Variants in PDE1A observed in about 807,000 individuals in gnomAD.
PDE1A encodes phosphodiesterase 1A.
Under a neutral mutation model 61.7 loss-of-function variants are expected in PDE1A, and 35 were observed. That is an observed-to-expected ratio of 0.57 (90% CI 0.43 to 0.75). The LOEUF (loss-of-function observed/expected upper bound fraction) is 0.75, where lower values mean the gene tolerates loss of function less well. Ranked by LOEUF, PDE1A falls within the 30% of genes least tolerant of loss-of-function variation. The pLI, the probability that PDE1A is intolerant of heterozygous loss-of-function variation, is 0.00. For missense variants in PDE1A, 597 were observed against 630.6 expected (o/e 0.95, Z 0.57); for synonymous variants, 232 against 213.2 (o/e 1.09, Z -0.77).
At chr2:182,438,573 T>A (rs1285713597) in intron 2 of PDE1A, among the ~76,000 whole-genome samples, 1 of 151,884 alleles carries the variant, frequency 6.6e-6, no homozygotes, top group Non-Finnish European at 1.5e-5. Context: ...TGCTTGGAAG[T>A]TCATCAGGGG....
At chr2:182,436,335 T>C (rs1033508784) in intron 2 of PDE1A, among the ~76,000 whole-genome samples, 1 of 152,058 alleles carries the variant, frequency 6.6e-6, no homozygotes, top group Non-Finnish European at 1.5e-5. Context: ...AATTGTTCTA[T>C]GACATGCCAT....
chr2:182,363,543 T>C (rs1699637704), intron 1 of PDE1A, among the ~76,000 whole-genome samples: 2 of 151,966 alleles, frequency 1.3e-5, no homozygotes, highest in South Asian at 4.1e-4. Context: ...GAATGAGCCA[T>C]GTGGATGTCT....
At chr2:182,549,383 A>G in the PDE1A span, among the ~76,000 whole-genome samples, 3 of 152,286 alleles carry the variant, frequency 2.0e-5, no homozygotes, top group East Asian at 3.9e-4. Flanking sequence ...CTAAAAGAAC[A>G]TAGGAAATTA....
the PDE1A span, among the ~76,000 whole-genome samples, chr2:182,598,791 A>G: frequency 6.6e-6 from 1 of 152,178 alleles, no homozygotes; most frequent in Non-Finnish European, 1.5e-5. Flanking sequence ...GAGCATGTGT[A>G]TTACAGTTAC....
At chr2:182,429,558 C>G (rs569548438), upstream of PDE1A, among the ~76,000 whole-genome samples, 1 of 151,980 alleles carries the variant, frequency 6.6e-6, no homozygotes, top group East Asian at 1.9e-4. Flanking sequence ...ATACCCTACC[C>G]GACTCAGTGC....
At chr2:182,675,034 T>C in the PDE1A span, among the ~76,000 whole-genome samples, 249 of 152,248 alleles carry the variant, frequency 1.6e-3, 1 homozygote, top group Non-Finnish European at 3.0e-3. Flanking sequence ...GTGTTTGTTG[T>C]ACAGATTATT....
At chr2:182,375,526 C>T (rs574902325) in intron 1 of PDE1A, among the ~76,000 whole-genome samples, 49 of 152,344 alleles carry the variant, frequency 3.2e-4, no homozygotes, top group Non-Finnish European at 2.1e-4. Flanking sequence ...TGGGCAGCTC[C>T]ACCCCTGTGG....
upstream of PDE1A, among the ~76,000 whole-genome samples, chr2:182,431,120 TTA>T (rs1574642111): frequency 2.8e-5 from 2 of 71,794 alleles, no homozygotes; most frequent in East Asian, 1.0e-3. Context: ...AAAAAAAACA[TTA>T]AAAAAAAAAA....
At chr2:182,386,044 G>A (rs189288745) in intron 1 of PDE1A, among the ~76,000 whole-genome samples, 9 of 152,338 alleles carry the variant, frequency 5.9e-5, no homozygotes, top group East Asian at 3.9e-4. Context: ...TGGTGGAGAC[G>A]GGGTTTCGCT....
At chr2:182,443,790 G>A (rs1372803610) in intron 2 of PDE1A, among the ~76,000 whole-genome samples, 1 of 143,396 alleles carries the variant, frequency 7.0e-6, no homozygotes, top group African/African-American at 2.6e-5. Context: ...TGCAAACTCT[G>A]CCTCCTGGGT....
At chr2:182,204,423 G>A (rs1301317429) in intron 8 of PDE1A, among the ~76,000 whole-genome samples, 1 of 152,022 alleles carries the variant, frequency 6.6e-6, no homozygotes, top group African/African-American at 2.4e-5. Context: ...AACTGTGTGG[G>A]ACCACTCGTA....
At chr2:182,563,225 A>G in the PDE1A span, among the ~76,000 whole-genome samples, 6 of 151,920 alleles carry the variant, frequency 3.9e-5, no homozygotes, top group Middle Eastern at 6.8e-3. Flanking sequence ...ACACTGCTTT[A>G]AATGTGTCCC....
At chr2:182,351,426 G>A (rs1287410175) in intron 1 of PDE1A, among the ~76,000 whole-genome samples, 1 of 152,158 alleles carries the variant, frequency 6.6e-6, no homozygotes, top group Non-Finnish European at 1.5e-5. Context: ...TACGAAAATT[G>A]TAGGCTGATT....
At chr2:182,355,037 G>A (rs906686347) in intron 1 of PDE1A, among the ~76,000 whole-genome samples, 2 of 151,996 alleles carry the variant, frequency 1.3e-5, no homozygotes, top group Non-Finnish European at 2.9e-5. Flanking sequence ...TTCACTTAAT[G>A]GAGTATTTAT....
At position 182,347,932 on chromosome 2, in the gene PDE1A, A is replaced by G. The variant is rs185186468; in HGVS notation, c.53+78646T>C. 1.3e-4 allele frequency among the ~76,000 whole-genome samples: 20 copies of G among 152,288 alleles called. No individual in the cohort carries two copies. In the East Asian group the frequency reaches 3.7e-3, roughly 28 times the overall value. ...TAAAAGAAAAAAATAGAATGGTAGT[A>G]CAGCGTTTTCTTTGAAAGAAGCAAC... On this transcript the variant is annotated intron_variant, in intron 1 of 13. Coordinates refer to ENST00000351439, the Ensembl canonical transcript of PDE1A.
intron 1 of PDE1A, among the ~76,000 whole-genome samples, chr2:182,329,825 A>G (rs533447069): frequency 1.3e-5 from 2 of 152,308 alleles, no homozygotes; most frequent in Admixed American, 6.5e-5. Flanking sequence ...TTTTCTATCC[A>G]TTAATTTGCA....
chr2:182,202,855 G>GAT (rs1159544223), intron 8 of PDE1A, among the ~76,000 whole-genome samples: 1 of 152,146 alleles, frequency 6.6e-6, no homozygotes. Context: ...GCTCTATACA[G>GAT]ATAAGTTAAA....
At chr2:182,266,155 C>T (rs1247246810) in intron 1 of PDE1A, among the ~76,000 whole-genome samples, 2 of 152,042 alleles carry the variant, frequency 1.3e-5, no homozygotes, top group Admixed American at 1.3e-4. Context: ...AAAATATCAG[C>T]AGGCAATAAC....
chr2:182,312,848 T>C (rs1433182029), intron 1 of PDE1A, among the ~76,000 whole-genome samples: 2 of 151,186 alleles, frequency 1.3e-5, no homozygotes, highest in Admixed American at 6.6e-5. Flanking sequence ...AAAAACCTGC[T>C]GGGATTATGA....
Sources: allele counts gnomAD v4.1 joint callset (sites outside exome capture counted in the v4.1 genomes callset), GRCh38; gene constraint gnomAD v4.1.1; transcripts MANE v1.5; gene names NCBI Gene and HGNC (gene_info 2026-07-23, HGNC 2026-07-21).